TRPV3: variants seen among roughly 807,000 people sequenced by gnomAD.
TRPV3 encodes VRL-3.
A neutral mutation model predicts 87.1 loss-of-function variants in TRPV3; 88 were observed. That is an observed-to-expected ratio of 1.01 (90% confidence interval 0.85 to 1.21). The LOEUF (loss-of-function observed/expected upper bound fraction) is 1.21, where lower values mean the gene tolerates loss of function less well. Ranked by LOEUF, TRPV3 falls within the 50% of genes most tolerant of loss-of-function variation. The pLI, the probability that TRPV3 is intolerant of heterozygous loss-of-function variation, is 0.00. For synonymous variants in TRPV3, 438 were observed against 423.3 expected (o/e 1.03, Z -0.43); for missense variants, 1,054 against 1,030.1 (o/e 1.02, Z -0.32).
rs2074511094 is a variant in TRPV3, at chr17:3,545,076, C to T, written c.224+91G>A. On this transcript the variant is annotated intron_variant, in intron 3 of 17. Transcript: ENST00000576742. ...CAGTGGTAGCATGCCACAGCCAGGC[C>T]TGGCCCCGTGACCCAGGGCAAGTCA... The T allele has an allele frequency of 3.7e-6, 3 of 800,536 alleles. No individual in the cohort carries two copies. In the Admixed American group the frequency reaches 6.7e-5, roughly 18 times the overall value. 49.6% of individuals were successfully genotyped at this position (800,536 alleles called of 1,614,324 possible).
rs2074147388 is a variant in TRPV3, at chr17:3,513,960, T to C, written c.2330A>G (p.Asn777Ser). The C allele has an allele frequency of 6.2e-7, 1 of 1,614,196 alleles. No homozygotes were observed. The highest frequency in any genetic ancestry group is 8.5e-7 in the Non-Finnish European group (1 of 1,180,008). ...GAATTCCTCGACTTCTTCAAATGCATTGAGAGTGGTTTTGCTGTTGTTCCT... is the reference window on the plus strand; with the variant it reads ...GAATTCCTCGACTTCTTCAAATGCACTGAGAGTGGTTTTGCTGTTGTTCCT... ...SSRNNSKTTL[N>S]AFEEVEEFPE... The change falls in exon 18 of 18, where the codon AAT (asparagine) becomes AGT (serine). Residue 777 changes from asparagine (N) to serine (S), a missense_variant. Coordinates refer to ENST00000576742, the MANE Select transcript of TRPV3 (RefSeq NM_145068.4).
chr17:3,529,960 T>G, intron 9 of TRPV3, 67 bp downstream of exon 9: 1 of 1,531,660 alleles, frequency 6.5e-7, no homozygotes, highest in Non-Finnish European at 8.9e-7. Context: ...CCCAGCGTCC[T>G]CTCAGCCCCT....
intron 1 of TRPV3, among the ~76,000 whole-genome samples, chr17:3,555,939 G>T (rs2074626858): frequency 6.6e-6 from 1 of 152,280 alleles, no homozygotes; most frequent in South Asian, 2.1e-4. Context: ...CACTTTGGGA[G>T]GCCAAGGTGG....
intron 13 of TRPV3, among the ~76,000 whole-genome samples, chr17:3,522,087 T>G (rs1261636037): frequency 5.9e-5 from 9 of 152,062 alleles, no homozygotes; most frequent in Non-Finnish European, 1.0e-4. Context: ...AAAAATTAAT[T>G]AATTAATTAA....
chr17:3,544,633 G>A lies in TRPV3; in HGVS notation c.257C>T (p.Pro86Leu). The A allele has an allele frequency of 6.2e-7, 1 of 1,609,564 alleles. No homozygotes were observed. Among genetic ancestry groups the A allele is most frequent in the Non-Finnish European group, 8.5e-7 (1 of 1,179,136 alleles). The change falls in exon 4 of 18, where the codon CCC (proline) becomes CTC (leucine). Residue 86 changes from proline (P) to leucine (L), a missense_variant. By Grantham distance (98) the Pro-to-Leu change is moderately conservative. Coordinates refer to ENST00000576742, the MANE Select transcript of TRPV3 (RefSeq NM_145068.4). Reference sequence around the variant, plus strand: ...TGTCACATCATCCTGAGGAGACTGGGGGGAGTCCATGTCATCACAGTTACC... The same window carrying A: ...TGTCACATCATCCTGAGGAGACTGGAGGGAGTCCATGTCATCACAGTTACC... Reference protein sequence around the residue: ...ISGNCDDMDSPQSPQDDVTET... With the variant: ...ISGNCDDMDSLQSPQDDVTET...
chr17:3,552,331 C>T (rs1321860582), intron 2 of TRPV3: 4 of 152,034 alleles, frequency 2.6e-5, no homozygotes, highest in South Asian at 2.1e-4. Context: ...GTAACTGGGA[C>T]TATAGGCACA....
In TRPV3 at chr17:3,557,367, G is replaced by A. The variant is rs1314881017; in HGVS notation, c.-3+309C>T. Among the ~76,000 whole-genome samples the A allele has an allele frequency of 6.6e-6, 1 of 152,156 alleles. No homozygotes were observed. The highest frequency in any genetic ancestry group is 2.4e-5 in the African/African-American group (1 of 41,428). On this transcript the variant is annotated intron_variant, in intron 1 of 17. Coordinates refer to ENST00000576742, the MANE Select transcript of TRPV3 (RefSeq NM_145068.4). This position sits in a 1 kb window ranked among gnomAD's most constrained non-coding sequence, Gnocchi z 4.5. ...TCCCTGGGTCAGCCTCGGGAGGCAG[G>A]AGCCTCTCCTCTGCCCCCAGCAGTG...
chr17:3,547,491 C>T (rs901083864), intron 2 of TRPV3, among the ~76,000 whole-genome samples: 3 of 152,136 alleles, frequency 2.0e-5, no homozygotes, highest in East Asian at 1.9e-4. Flanking sequence ...CGTGGTGGCA[C>T]GCACCTGTAA....
chr17:3,526,993 G>A, intron 11 of TRPV3, 66 bp from the exon 12 acceptor site: 2 of 1,330,400 alleles, frequency 1.5e-6, no homozygotes, highest in Admixed American at 1.9e-5. Context: ...GCTGAGCAGA[G>A]GGTGCTTCCC....
At chr17:3,517,819 T>TC (rs1485052290) in intron 15 of TRPV3, among the ~76,000 whole-genome samples, 3 of 150,788 alleles carry the variant, frequency 2.0e-5, no homozygotes, top group African/African-American at 7.3e-5. Flanking sequence ...TCTTTTTTTT[T>TC]TTTTTTTTCT....
chr17:3,529,954 G>A lies in TRPV3; in HGVS notation c.1242+73C>T, dbSNP rs1219469197. The A allele has an allele frequency of 1.2e-5, 18 of 1,521,796 alleles. No individual in the cohort carries two copies. The Admixed American group carries it at 3.4e-4, about 29-fold the overall frequency. The allele number at this position is 1,521,796 out of a possible 1,614,324, so 94.3% of individuals were successfully genotyped here. On this transcript the variant is annotated intron_variant, in intron 9 of 17. Coordinates refer to ENST00000576742, the MANE Select transcript of TRPV3 (RefSeq NM_145068.4). The stretch of plus-strand genomic sequence containing the variant: ...GAGCTGGCAGCACTGGGTCTTCCCA[G>A]CGTCCTCTCAGCCCCTGGCCTGAGG...
intron 7 of TRPV3, 97 bp from the exon 8 acceptor site, chr17:3,533,034 T>C (rs2074363509): frequency 2.1e-6 from 3 of 1,435,218 alleles, no homozygotes; most frequent in Non-Finnish European, 2.8e-6. Context: ...CTCAGCAGGA[T>C]GGGCACCTCA....
At position 3,557,600 on chromosome 17, in the gene TRPV3, G is replaced by A. The variant is rs2074645211; in HGVS notation, c.-3+76C>T. Reference sequence around the variant, plus strand: ...TGGCCAAGGGCAGACATGGCCCAGAGGACCTCTGAGGGCCACGCTCTGGGC... The same window carrying A: ...TGGCCAAGGGCAGACATGGCCCAGAAGACCTCTGAGGGCCACGCTCTGGGC... On this transcript the variant is annotated intron_variant, in intron 1 of 17. Coordinates refer to ENST00000576742, the MANE Select transcript of TRPV3 (RefSeq NM_145068.4). The surrounding 1 kb of genome is among the most constrained non-coding windows in gnomAD (Gnocchi z 4.5). 6.6e-6 allele frequency: 1 copy of A among 152,224 alleles called. No homozygotes were observed. Among genetic ancestry groups the A allele is most frequent in the South Asian group, 2.1e-4 (1 of 4,818 alleles). The allele number at this position is 152,224 out of a possible 1,614,324, so 9.4% of individuals were successfully genotyped here.
chr17:3,529,930 A>G, intron 9 of TRPV3, 97 bp downstream of exon 9: 1 of 1,389,764 alleles, frequency 7.2e-7, no homozygotes, highest in Non-Finnish European at 9.8e-7. Context: ...CGAGGGATGG[A>G]GCTGGCAGCA....
intron 12 of TRPV3, among the ~76,000 whole-genome samples, chr17:3,525,786 T>C (rs556880022): frequency 1.3e-5 from 2 of 152,148 alleles, no homozygotes; most frequent in East Asian, 3.9e-4. Context: ...CACACAAGGC[T>C]AATTTTTGTA....
chr17:3,516,555 G>A lies in TRPV3; in HGVS notation c.2100C>T (p.Ile700=), dbSNP rs1450792528. 1 of 1,614,044 alleles carries A rather than the reference G, an allele frequency of 6.2e-7. No homozygotes were observed. Among genetic ancestry groups the A allele is most frequent in the South Asian group, 1.1e-5 (1 of 91,076 alleles). The change falls in exon 16 of 18, where the codon ATC becomes ATT. Residue 700 remains isoleucine (I), a synonymous_variant. Transcript: ENST00000576742. ...RIWRLQRART[I]LEFEKMLPEW... is the part of the protein sequence containing the mutation. ...CTGGTAACATTTTCTCAAACTCCAA[G>A]ATGGTCCTGGCTCTCTGGGGACATA...
chr17:3,528,813 T>C lies in TRPV3; in HGVS notation c.1401+24A>G. On this transcript the variant is annotated intron_variant, in intron 10 of 17. Coordinates refer to ENST00000576742, the MANE Select transcript of TRPV3 (RefSeq NM_145068.4). The surrounding 1 kb of genome is among the most constrained non-coding windows in gnomAD (Gnocchi z 4.2). ...CCCTCCAGCTCTGACGGCCCCATTT[T>C]CCCCCTCCAAGGGGCCCACGTACCT... The C allele has an allele frequency of 2.5e-6, 4 of 1,613,048 alleles. No homozygotes were observed. Among genetic ancestry groups the C allele is most frequent in the East Asian group, 2.2e-5 (1 of 44,836 alleles).
At chr17:3,517,004 G>A (rs560739233) in intron 15 of TRPV3, among the ~76,000 whole-genome samples, 1 of 152,188 alleles carries the variant, frequency 6.6e-6, no homozygotes, top group Non-Finnish European at 1.5e-5. Context: ...AAATTAGCTA[G>A]GCGTATGTCA....
At chr17:3,517,122 G>A (rs2074190037) in intron 15 of TRPV3, among the ~76,000 whole-genome samples, 1 of 152,102 alleles carries the variant, frequency 6.6e-6, no homozygotes, top group Non-Finnish European at 1.5e-5. Flanking sequence ...TCCAGCCTGG[G>A]TGACAGAGCG....
Sources: allele counts gnomAD v4.1 joint callset (sites outside exome capture counted in the v4.1 genomes callset), GRCh38; gene constraint gnomAD v4.1.1; non-coding constraint Gnocchi (gnomAD v3.1); transcripts MANE v1.5; gene names NCBI Gene and HGNC (gene_info 2026-07-23, HGNC 2026-07-21).